PCGF5: variants seen among roughly 807,000 people sequenced by gnomAD.
PCGF5 encodes polycomb group RING finger protein 5.
PCGF5 carries 9 observed loss-of-function variants against 44.3 expected under a neutral mutation model. The observed-to-expected ratio is 0.20, with a 90% CI of 0.12 to 0.35. The LOEUF is 0.35. PCGF5 is among the 10% of genes least tolerant of loss of function. The pLI is 1.00. For synonymous variants in PCGF5, 95 were observed against 102.5 expected, an observed-to-expected ratio of 0.93 and a Z score of 0.44; for missense variants, 146 against 305.3, an observed-to-expected ratio of 0.48 and a Z score of 3.89.
chr10:91,176,841 A>G (rs1192021518), intron 1 of PCGF5, among the ~76,000 whole-genome samples: 1 of 152,156 alleles, frequency 6.6e-6, no homozygotes, highest in Non-Finnish European at 1.5e-5. Context: ...CTTCTTTGCC[A>G]TAGGTTTGAA....
intron 1 of PCGF5, among the ~76,000 whole-genome samples, chr10:91,180,036 C>T (rs1398749358): frequency 2.6e-5 from 4 of 152,012 alleles, no homozygotes; most frequent in Non-Finnish European, 5.9e-5. Context: ...TAATAATAGC[C>T]ATTCTGACTG....
intron 9 of PCGF5, 82 bp downstream of exon 9, chr10:91,271,779 A>T: frequency 1.7e-6 from 2 of 1,210,840 alleles, no homozygotes; most frequent in Non-Finnish European, 2.4e-6. Context: ...AATTCCTAAG[A>T]CATTTAACTT....
chr10:91,223,887 G>A (rs1489899420), intron 2 of PCGF5, among the ~76,000 whole-genome samples: 2 of 152,234 alleles, frequency 1.3e-5, no homozygotes, highest in Non-Finnish European at 2.9e-5. Context: ...TAGCTAATGA[G>A]TGGTGGACCT....
At chr10:91,228,828 T>C (rs1283466380) in intron 2 of PCGF5, among the ~76,000 whole-genome samples, 1 of 152,176 alleles carries the variant, frequency 6.6e-6, no homozygotes, top group East Asian at 1.9e-4. Context: ...GGGAACTTAT[T>C]AGATAGAAGT....
Position 91,278,186 on chromosome 10 carries a change from C to T in PCGF5, c.724-83C>T, listed in dbSNP as rs376098418. ...CAGGAAATACTGTAAATTATAACTCCGAATTCTTAAAATCTTTCATATATA... is the reference window on the plus strand; with the variant it reads ...CAGGAAATACTGTAAATTATAACTCTGAATTCTTAAAATCTTTCATATATA... On this transcript the variant is annotated intron_variant, in intron 9 of 9. Transcript: ENST00000336126. The T allele has an allele frequency of 1.6e-4, 191 of 1,190,710 alleles. 1 individual carries two copies. The highest frequency in any genetic ancestry group is 1.9e-4 in the Non-Finnish European group (158 of 822,214). The allele number at this position is 1,190,710 out of a possible 1,614,324, so 73.8% of individuals were successfully genotyped here.
At chr10:91,200,198 G>A (rs1430720679) in intron 1 of PCGF5, among the ~76,000 whole-genome samples, 1 of 152,228 alleles carries the variant, frequency 6.6e-6, no homozygotes, top group Non-Finnish European at 1.5e-5. Flanking sequence ...TGTTCAAGAA[G>A]GCTGCCTTCA....
At chr10:91,228,416 T>G (rs1048520620) in intron 2 of PCGF5, among the ~76,000 whole-genome samples, 2 of 152,164 alleles carry the variant, frequency 1.3e-5, no homozygotes, top group African/African-American at 4.8e-5. Context: ...CATAGAATTC[T>G]GTGGTACAGA....
chr10:91,201,485 C>T (rs1844250952), intron 1 of PCGF5, among the ~76,000 whole-genome samples: 1 of 152,088 alleles, frequency 6.6e-6, no homozygotes, highest in African/African-American at 2.4e-5. Flanking sequence ...GAGCTTAGGT[C>T]CCATCAAAGT....
intron 2 of PCGF5, among the ~76,000 whole-genome samples, chr10:91,237,306 G>A (rs778385703): frequency 7.9e-5 from 12 of 152,126 alleles, no homozygotes; most frequent in Non-Finnish European, 1.8e-4. Flanking sequence ...GATAATAACA[G>A]TATATCATCC....
intron 1 of PCGF5, among the ~76,000 whole-genome samples, chr10:91,200,102 T>G (rs1247416571): frequency 6.6e-6 from 1 of 152,188 alleles, no homozygotes; most frequent in East Asian, 1.9e-4. Context: ...GAGGGCTGTT[T>G]CCTGGAGATG....
At chr10:91,214,467 G>A (rs1044420257) in intron 1 of PCGF5, among the ~76,000 whole-genome samples, 4 of 152,110 alleles carry the variant, frequency 2.6e-5, no homozygotes, top group East Asian at 1.9e-4. Flanking sequence ...CAGAAGAAGG[G>A]ACTATACTTA....
intron 1 of PCGF5, among the ~76,000 whole-genome samples, chr10:91,198,364 C>T (rs1476108515): frequency 6.6e-6 from 1 of 152,214 alleles, no homozygotes; most frequent in Non-Finnish European, 1.5e-5. Context: ...TGTGTAGTCA[C>T]TCATCCTTTT....
At chr10:91,179,623 G>C (rs1843782036) in intron 1 of PCGF5, among the ~76,000 whole-genome samples, 1 of 152,176 alleles carries the variant, frequency 6.6e-6, no homozygotes, top group African/African-American at 2.4e-5. Context: ...TCCTGTGTTA[G>C]TTTGCTAAGG....
intron 2 of PCGF5, among the ~76,000 whole-genome samples, chr10:91,236,252 G>A (rs1845160757): frequency 6.6e-6 from 1 of 152,160 alleles, no homozygotes; most frequent in Admixed American, 6.5e-5. Context: ...GCAGCTGTGA[G>A]CAGCCTAGTC....
intron 1 of PCGF5, among the ~76,000 whole-genome samples, chr10:91,198,217 G>A (rs1214899751): frequency 6.6e-6 from 1 of 152,108 alleles, no homozygotes; most frequent in African/African-American, 2.4e-5. Context: ...CCTTACAGTG[G>A]CCCAGAAGAG....
intron 8 of PCGF5, among the ~76,000 whole-genome samples, chr10:91,270,400 T>C (rs1185910568): frequency 6.6e-6 from 1 of 151,566 alleles, no homozygotes; most frequent in Admixed American, 6.6e-5. Context: ...AAAGAATCAC[T>C]TAGTGAAATT....
chr10:91,196,503 C>T (rs1478965414), intron 1 of PCGF5, among the ~76,000 whole-genome samples: 1 of 152,194 alleles, frequency 6.6e-6, no homozygotes, highest in African/African-American at 2.4e-5. Flanking sequence ...TTTATTCTCC[C>T]AGATCTTTCC....
intron 7 of PCGF5, among the ~76,000 whole-genome samples, chr10:91,264,180 T>C (rs1258699379): frequency 1.3e-5 from 2 of 152,160 alleles, no homozygotes; most frequent in Non-Finnish European, 2.9e-5. Context: ...GTAAATTATG[T>C]GTATGAACTT....
chr10:91,222,416 A>G (rs535960987), intron 1 of PCGF5, among the ~76,000 whole-genome samples: 2 of 152,218 alleles, frequency 1.3e-5, no homozygotes, highest in Non-Finnish European at 2.9e-5. Context: ...GTTAAAATGC[A>G]TTAGTGAAGA....
Sources: allele counts gnomAD v4.1 joint callset (sites outside exome capture counted in the v4.1 genomes callset), GRCh38; gene constraint gnomAD v4.1.1; transcripts MANE v1.5; gene names NCBI Gene and HGNC (gene_info 2026-07-23, HGNC 2026-07-21).